The following SHANK2 variants were observed in gnomAD, a reference collection of about 807,000 sequenced individuals.
The protein encoded by SHANK2 is SH3 and multiple ankyrin repeat domains 2.
Under a neutral mutation model 133.7 loss-of-function variants are expected in SHANK2, and 43 were observed. The observed-to-expected ratio is 0.32, with a 90% confidence interval of 0.25 to 0.41. The LOEUF (loss-of-function observed/expected upper bound fraction) is 0.41. SHANK2 is among the 10% of genes least tolerant of loss of function. SHANK2 has a pLI of 1.00. For synonymous variants in SHANK2, 1,017 were observed against 952.8 expected, an observed-to-expected ratio of 1.07 and a Z score of -1.24; for missense variants, 1,994 against 2,235.8, an observed-to-expected ratio of 0.89 and a Z score of 2.18.
chr11:71,137,450 T>C (rs1952466139), intron 3 of SHANK2, among the ~76,000 whole-genome samples: 1 of 151,894 alleles, frequency 6.6e-6, no homozygotes, highest in Non-Finnish European at 1.5e-5. Flanking sequence ...AGAGAAGGTA[T>C]GGAGGGGGAA....
chr11:70,500,269 CCATCCAGGCAGCCCCAG>C lies in SHANK2; in HGVS notation c.2308+284_2308+300del, dbSNP rs2059030519. On this transcript the variant is annotated intron_variant, in intron 21 of 25. Coordinates refer to ENST00000601538, the MANE Select transcript of SHANK2 (RefSeq NM_012309.5). This position sits in a 1 kb window ranked among gnomAD's most constrained non-coding sequence, Gnocchi z 4.5. Reference sequence around the variant, plus strand: ...AGAGGCTCTGCTCATCTGCAACCCCCCATCCAGGCAGCCCCAGCTGAGACCAAACAGGGGTCCGGCCA... The same window carrying C: ...AGAGGCTCTGCTCATCTGCAACCCCCCTGAGACCAAACAGGGGTCCGGCCA... 6.6e-6 allele frequency among the ~76,000 whole-genome samples: 1 copy of C among 152,240 alleles called. No individual in the cohort carries two copies. Among genetic ancestry groups the C allele is most frequent in the Non-Finnish European group, 1.5e-5 (1 of 68,008 alleles).
chr11:70,929,801 T>C (rs1334168579), intron 10 of SHANK2, among the ~76,000 whole-genome samples: 1 of 152,154 alleles, frequency 6.6e-6, no homozygotes, highest in Non-Finnish European at 1.5e-5. Flanking sequence ...GATGCAGACA[T>C]GTTTGGGGGG....
rs1949178202 is a variant in SHANK2, at chr11:70,856,703, A to G, written c.1175-36021T>C. ...CCATGTTTGATACATTATTTCATTA[A>G]AAACACCAACAGCCTTATGAGGGAG... On this transcript the variant is annotated intron_variant, in intron 11 of 25. Transcript: ENST00000601538. 2.0e-5 allele frequency among the ~76,000 whole-genome samples: 3 copies of G among 152,214 alleles called. No individual in the cohort carries two copies. In the South Asian group the frequency reaches 6.2e-4, roughly 32 times the overall value.
chr11:70,810,354 C>T (rs1340341933), intron 12 of SHANK2, among the ~76,000 whole-genome samples: 1 of 152,210 alleles, frequency 6.6e-6, no homozygotes, highest in African/African-American at 2.4e-5. Context: ...TGGACTGGCA[C>T]AGGACCGAGA....
At chr11:70,723,251 G>C (rs547515940) in intron 14 of SHANK2, among the ~76,000 whole-genome samples, 8 of 151,512 alleles carry the variant, frequency 5.3e-5, no homozygotes, top group African/African-American at 1.5e-4. Context: ...ATGATTATAG[G>C]ATTATACGAT....
At chr11:71,146,173 C>T (rs112641529) in intron 3 of SHANK2, among the ~76,000 whole-genome samples, 12 of 152,214 alleles carry the variant, frequency 7.9e-5, no homozygotes, top group African/African-American at 2.9e-4. Flanking sequence ...GTCTGCTCCA[C>T]GCTTCCAGCT....
chr11:70,848,445 T>C (rs1247003076), intron 11 of SHANK2, among the ~76,000 whole-genome samples: 4 of 152,160 alleles, frequency 2.6e-5, no homozygotes, highest in Admixed American at 2.6e-4. Flanking sequence ...AAGATGACTG[T>C]GCAAAATAGG....
At chr11:70,611,056 T>G (rs1326542106) in intron 17 of SHANK2, among the ~76,000 whole-genome samples, 1 of 152,232 alleles carries the variant, frequency 6.6e-6, no homozygotes, top group Non-Finnish European at 1.5e-5. Context: ...CCATAGTGAC[T>G]AAGAGGCAAA....
rs11827360 is a variant in SHANK2 at position 71,217,913 on chromosome 11, C to T, written c.-13+6784G>A. Among the ~76,000 whole-genome samples the T allele has an allele frequency of 4.4e-3, 676 of 152,210 alleles. 2 individuals carry two copies. The highest frequency in any genetic ancestry group is 0.015 in the African/African-American group (630 of 41,536). On this transcript the variant is annotated intron_variant, in intron 2 of 25. Coordinates refer to ENST00000601538, the MANE Select transcript of SHANK2 (RefSeq NM_012309.5). ...TCGCCCAGGCTGGAGTGCAGTGGCGCGTTCTTGGCTCACTGCCAACTCTGC... is the reference window on the plus strand; with the variant it reads ...TCGCCCAGGCTGGAGTGCAGTGGCGTGTTCTTGGCTCACTGCCAACTCTGC...
intron 17 of SHANK2, among the ~76,000 whole-genome samples, chr11:70,559,782 T>C (rs2059883173): frequency 6.6e-6 from 1 of 152,160 alleles, no homozygotes; most frequent in Non-Finnish European, 1.5e-5. Context: ...AAATGGTAGA[T>C]GATCAGACTC....
chr11:71,162,187 A>G (rs1565487687), intron 2 of SHANK2, among the ~76,000 whole-genome samples: 1 of 152,242 alleles, frequency 6.6e-6, no homozygotes, highest in Non-Finnish European at 1.5e-5. Flanking sequence ...TTATTTATAA[A>G]GAAAAGAAGT....
intron 8 of SHANK2, among the ~76,000 whole-genome samples, chr11:71,084,952 G>T (rs1951358642): frequency 6.6e-6 from 1 of 152,066 alleles, no homozygotes; most frequent in African/African-American, 2.4e-5. Context: ...AATTGCTACG[G>T]GTCCTATACA....
At chr11:70,817,434 C>T (rs1030113217) in intron 12 of SHANK2, among the ~76,000 whole-genome samples, 2 of 152,178 alleles carry the variant, frequency 1.3e-5, no homozygotes, top group Non-Finnish European at 2.9e-5. Context: ...CGGGTCAGGG[C>T]CACCAGGTAA....
chr11:70,839,232 G>A (rs1400058785), intron 11 of SHANK2, among the ~76,000 whole-genome samples: 2 of 152,210 alleles, frequency 1.3e-5, no homozygotes, highest in African/African-American at 2.4e-5. Context: ...ATAAAACTAA[G>A]GACAATGGTA....
chr11:71,173,933 G>A (rs1168894254), intron 2 of SHANK2, among the ~76,000 whole-genome samples: 19 of 152,216 alleles, frequency 1.2e-4, no homozygotes, highest in Admixed American at 8.5e-4. Flanking sequence ...AAGTGAGCAC[G>A]GCCCTGCCGA....
intron 11 of SHANK2, among the ~76,000 whole-genome samples, chr11:70,827,639 T>TGTG (rs1491124395): frequency 3.4e-5 from 3 of 89,000 alleles, no homozygotes; most frequent in African/African-American, 7.5e-5. Context: ...TGTGTGTGTG[T>TGTG]TTTTTTTTTT....
intron 11 of SHANK2, chr11:70,864,311 CAAAAGAAAG>C (rs1949315392): frequency 6.2e-6 from 1 of 160,280 alleles, no homozygotes. Flanking sequence ...GTATCCAGGG[CAAAAGAAAG>C]GAGAGAAAAG....
chr11:70,545,367 G>T (rs2059677989), intron 17 of SHANK2, among the ~76,000 whole-genome samples: 1 of 152,190 alleles, frequency 6.6e-6, no homozygotes, highest in South Asian at 2.1e-4. Flanking sequence ...GCCTTTGCTG[G>T]CCCTGGGGTG....
At chr11:70,896,707 A>C in intron 10 of SHANK2, 140 bp from the exon 11 acceptor site, 4 of 606,922 alleles carry the variant, frequency 6.6e-6, no homozygotes, top group Non-Finnish European at 8.9e-6. Flanking sequence ...ATCAACACTC[A>C]TCCACTCACC....
Sources: allele counts gnomAD v4.1 joint callset (sites outside exome capture counted in the v4.1 genomes callset), GRCh38; gene constraint gnomAD v4.1.1; non-coding constraint Gnocchi (gnomAD v3.1); transcripts MANE v1.5; gene names NCBI Gene and HGNC (gene_info 2026-07-23, HGNC 2026-07-21).